Variants in BCKDHB observed in about 807,000 individuals in gnomAD.
BCKDHB encodes the protein branched chain keto acid dehydrogenase E1 subunit beta, also known as 2-oxoisovalerate dehydrogenase subunit beta, mitochondrial.
Under a neutral mutation model 48.5 loss-of-function variants are expected in BCKDHB, and 41 were observed. The observed-to-expected ratio is 0.85, with a 90% CI of 0.66 to 1.10. The LOEUF (loss-of-function observed/expected upper bound fraction) is 1.10. Among genes scored for constraint, BCKDHB ranks in the 50% least tolerant of loss-of-function variants. BCKDHB has a pLI of 0.00. For synonymous variants in BCKDHB, 201 were observed against 174.8 expected (o/e 1.15, Z -1.18); for missense variants, 496 against 494.2 (o/e 1.00, Z -0.03).
At chr6:80,134,017 TTCTC>T (rs1399019269) in intron 3 of BCKDHB, among the ~76,000 whole-genome samples, 1 of 152,124 alleles carries the variant, frequency 6.6e-6, no homozygotes, top group Non-Finnish European at 1.5e-5. Context: ...CGTATTGTCA[TTCTC>T]TGAGAGAGAG....
At chr6:80,337,122 T>G (rs1769631987) in intron 9 of BCKDHB, among the ~76,000 whole-genome samples, 1 of 152,126 alleles carries the variant, frequency 6.6e-6, no homozygotes, top group Non-Finnish European at 1.5e-5. Flanking sequence ...GCTGAGAAAG[T>G]GTGATTCAAG....
intron 8 of BCKDHB, among the ~76,000 whole-genome samples, chr6:80,236,225 A>G (rs1776141541): frequency 6.6e-6 from 1 of 152,212 alleles, no homozygotes; most frequent in Non-Finnish European, 1.5e-5. Context: ...CATATAATGA[A>G]TGCATTACAT....
chr6:80,358,351 G>T, the BCKDHB span, among the ~76,000 whole-genome samples: 1 of 152,174 alleles, frequency 6.6e-6, no homozygotes, highest in South Asian at 2.1e-4. Flanking sequence ...CAGGCTATGA[G>T]TTGTTACTTT....
chr6:80,441,917 T>C, the BCKDHB span, among the ~76,000 whole-genome samples: 4 of 152,102 alleles, frequency 2.6e-5, no homozygotes, highest in African/African-American at 9.7e-5. Flanking sequence ...AACAGTTACA[T>C]AAACAATTAT....
rs144104754 is a variant in BCKDHB, at chr6:80,121,977, C to T, written c.197-5570C>T. ...AGTTTTTGCCAATTTAGTATGATAT[C>T]GGCTGTGGGTTTGTCATAAATAGCT... is the stretch of plus-strand genomic sequence containing the variant. On this transcript the variant is annotated intron_variant, in intron 1 of 9. Transcript: ENST00000320393. Among the ~76,000 whole-genome samples the T allele has an allele frequency of 4.3e-4, 65 of 151,008 alleles. 1 individual carries two copies. The highest frequency in any genetic ancestry group is 1.2e-3 in the East Asian group (6 of 5,144).
chr6:80,237,551 T>A (rs1776195551), intron 8 of BCKDHB, among the ~76,000 whole-genome samples: 1 of 152,250 alleles, frequency 6.6e-6, no homozygotes, highest in African/African-American at 2.4e-5. Context: ...ATGTGTCAGA[T>A]ACCTTGTTAA....
intron 8 of BCKDHB, among the ~76,000 whole-genome samples, chr6:80,260,136 A>T (rs1291999041): frequency 6.6e-6 from 1 of 152,018 alleles, no homozygotes; most frequent in Non-Finnish European, 1.5e-5. Flanking sequence ...CACCACTCTC[A>T]CCGCTAGTTG....
chr6:80,332,278 T>G (rs1769351670), intron 9 of BCKDHB, among the ~76,000 whole-genome samples: 1 of 152,174 alleles, frequency 6.6e-6, no homozygotes. Flanking sequence ...TCTGAGACAG[T>G]GAGATCCTAT....
At chr6:80,223,600 T>C (rs1170629547) in intron 8 of BCKDHB, among the ~76,000 whole-genome samples, 1 of 152,198 alleles carries the variant, frequency 6.6e-6, no homozygotes, top group Non-Finnish European at 1.5e-5. Context: ...ATTCTGATAC[T>C]ATTTTGCATT....
At chr6:80,387,059 G>T in the BCKDHB span, among the ~76,000 whole-genome samples, 5 of 152,110 alleles carry the variant, frequency 3.3e-5, no homozygotes, top group African/African-American at 4.8e-5. Flanking sequence ...ACATTTCAGG[G>T]ACCACTGGAC....
At chr6:80,259,111 T>G (rs1274478485) in intron 8 of BCKDHB, among the ~76,000 whole-genome samples, 3 of 152,176 alleles carry the variant, frequency 2.0e-5, no homozygotes, top group Non-Finnish European at 4.4e-5. Flanking sequence ...CTACTTGATT[T>G]TGTTAAAAAA....
intron 9 of BCKDHB, among the ~76,000 whole-genome samples, chr6:80,342,324 G>C (rs7742563): frequency 0.78 from 117,699 of 151,752 alleles, 46,009 homozygotes; most frequent in Admixed American, 0.84. Context: ...GAATAAATAT[G>C]AAGGTTTTAT....
intron 9 of BCKDHB, among the ~76,000 whole-genome samples, chr6:80,308,642 T>G (rs1052421529): frequency 1.3e-5 from 2 of 151,082 alleles, no homozygotes; most frequent in Admixed American, 6.6e-5. Context: ...TCGCCCAGGC[T>G]GGAGTGCAGT....
the BCKDHB span, among the ~76,000 whole-genome samples, chr6:80,397,627 A>C: frequency 2.0e-5 from 3 of 152,206 alleles, no homozygotes; most frequent in African/African-American, 7.2e-5. Context: ...TCACACCTGT[A>C]ATACCAGCAC....
intron 8 of BCKDHB, among the ~76,000 whole-genome samples, chr6:80,265,639 A>G (rs1053199469): frequency 2.6e-5 from 4 of 152,100 alleles, no homozygotes; most frequent in African/African-American, 9.6e-5. Context: ...TGGTTGTGTA[A>G]TAATGTGAAT....
intron 9 of BCKDHB, among the ~76,000 whole-genome samples, chr6:80,282,007 A>C (rs1164249017): frequency 6.6e-6 from 1 of 152,176 alleles, no homozygotes; most frequent in East Asian, 1.9e-4. Flanking sequence ...ATAAAATGGA[A>C]ATTTTTGTAT....
chr6:80,198,832 G>A (rs532303281), intron 6 of BCKDHB, among the ~76,000 whole-genome samples: 7 of 152,186 alleles, frequency 4.6e-5, no homozygotes, highest in East Asian at 1.9e-4. Context: ...CAATATAAGC[G>A]GAAGAAATTT....
intron 9 of BCKDHB, among the ~76,000 whole-genome samples, chr6:80,295,696 C>G (rs1011109978): frequency 6.6e-6 from 1 of 151,420 alleles, no homozygotes; most frequent in Non-Finnish European, 1.5e-5. Context: ...ATACTCACAA[C>G]TAGTTTGCAA....
chr6:80,431,820 T>C, the BCKDHB span, among the ~76,000 whole-genome samples: 1 of 152,202 alleles, frequency 6.6e-6, no homozygotes, highest in South Asian at 2.1e-4. Flanking sequence ...TCCATTTACA[T>C]TTAAGATTAA....
Sources: gnomAD v4.1 joint callset for allele counts (sites outside exome capture counted in the v4.1 genomes callset) on GRCh38, gnomAD v4.1.1 for gene constraint, MANE v1.5 for transcripts, NCBI Gene and HGNC (gene_info 2026-07-23, HGNC 2026-07-21) for gene names.